The following GBP5 variants were observed in gnomAD, a reference collection of about 807,000 sequenced individuals.
The protein encoded by GBP5 is guanylate-binding protein 5.
In GBP5, 48 loss-of-function variants were observed where a neutral mutation model predicts 58.2. That is an observed-to-expected ratio of 0.83 (90% CI 0.65 to 1.05). GBP5 has a LOEUF of 1.05. Among genes scored for constraint, GBP5 ranks in the 50% least tolerant of loss-of-function variants. The pLI, the probability that GBP5 is intolerant of heterozygous loss-of-function variation, is 0.00. For missense variants in GBP5, 714 were observed against 686.8 expected (o/e 1.04, Z -0.44); for synonymous variants, 248 against 251.8 (o/e 0.98, Z 0.14).
At chr1:89,263,356 T>G (rs1405528081) in intron 9 of GBP5, 1 of 177,370 alleles carries the variant, frequency 5.6e-6, no homozygotes, top group Admixed American at 5.5e-5. Flanking sequence ...GAAACTAAAT[T>G]AAAATCTTTT....
chr1:89,260,625 G>T lies in GBP5; in HGVS notation c.*79C>A. On this transcript the variant is annotated 3_prime_UTR_variant, in exon 12 of 12. Coordinates refer to ENST00000370459, the MANE Select transcript of GBP5 (RefSeq NM_052942.5). Reference sequence around the variant, plus strand: ...TATAAAGTTTATTTAAATGTTGATTGTCCCAAGGTCTACAGTTTCTTTTCT... The same window carrying T: ...TATAAAGTTTATTTAAATGTTGATTTTCCCAAGGTCTACAGTTTCTTTTCT... 1 of 821,300 alleles carries T rather than the reference G, an allele frequency of 1.2e-6. No homozygotes were observed. 50.9% of individuals were successfully genotyped at this position (821,300 alleles called of 1,614,324 possible).
At position 89,264,901 on chromosome 1, in the gene GBP5, T is replaced by G; in HGVS notation, c.934A>C (p.Asn312His). The G allele has an allele frequency of 1.2e-6, 2 of 1,614,184 alleles. No individual in the cohort carries two copies. The highest frequency in any genetic ancestry group is 4.5e-5 in the East Asian group (2 of 44,888). The stretch of plus-strand genomic sequence containing the variant: ...CTCTGAGCCAAGGCCAGGACTGCAT[T>G]CTCTATGCAAGGCAGATCCCCACTG... ...ISSGDLPCIENAVLALAQREN... is the reference protein window; with the variant it reads ...ISSGDLPCIEHAVLALAQREN... The change falls in exon 8 of 12, where the codon AAT becomes CAT. Residue 312 changes from asparagine to histidine, a missense_variant. Asn to His is a moderately conservative substitution (Grantham distance 68). Transcript: ENST00000370459.
At chr1:89,262,819 G>A in intron 9 of GBP5, 34 bp from the exon 10 acceptor site, 1 of 1,210,626 alleles carries the variant, frequency 8.3e-7, no homozygotes, top group Middle Eastern at 2.0e-4. Flanking sequence ...TTAGATGCAG[G>A]AAATGGTGAT....
Position 89,258,618 on chromosome 1 carries a change from C to T in GBP5, c.*2086G>A, listed in dbSNP as rs1025990224. Among the ~76,000 whole-genome samples, 1 of 152,078 alleles carries T rather than the reference C, an allele frequency of 6.6e-6. No individual in the cohort carries two copies. The highest frequency in any genetic ancestry group is 2.4e-5 in the African/African-American group (1 of 41,428). ...CAAAGAACAGTAAAAAGAGCAGACA[C>T]TAAAATTTTTCGGCTTTTTTCTGTA... On this transcript the variant is annotated 3_prime_UTR_variant, in exon 12 of 12. Transcript: ENST00000370459.
rs1650514354 is a variant in GBP5, at chr1:89,272,792, GAGC to G, written c.-471_-469del. The G allele has an allele frequency of 6.5e-6, 1 of 152,864 alleles. No homozygotes were observed. The highest frequency in any genetic ancestry group is 6.5e-5 in the Admixed American group (1 of 15,302). 9.5% of individuals were successfully genotyped at this position (152,864 alleles called of 1,614,324 possible). On this transcript the variant is annotated 5_prime_UTR_variant, in exon 1 of 12. Coordinates refer to ENST00000370459, the MANE Select transcript of GBP5 (RefSeq NM_052942.5). The stretch of plus-strand genomic sequence containing the variant: ...TAAAGGCAGTGTGGACCCAAAGAGT[GAGC>G]AGCAGCAAGATTTATTGCAAAGAGT...
intron 5 of GBP5, 95 bp from the exon 6 acceptor site, chr1:89,267,248 G>C (rs890546231): frequency 9.0e-7 from 1 of 1,111,362 alleles, no homozygotes; most frequent in Non-Finnish European, 1.3e-6. Flanking sequence ...TCCCCTACGA[G>C]TCTTAACCAA....
At chr1:89,267,244 A>T in intron 5 of GBP5, 91 bp from the exon 6 acceptor site, 1 of 1,118,658 alleles carries the variant, frequency 8.9e-7, no homozygotes, top group Non-Finnish European at 1.3e-6. Flanking sequence ...ATTTTCCCCT[A>T]CGAGTCTTAA....
At position 89,269,452 on chromosome 1, in the gene GBP5, G is replaced by A. The variant is rs3806339; in HGVS notation, c.104C>T (p.Thr35Met). The change falls in exon 3 of 12, where the codon ACG becomes ATG. Residue 35 changes from threonine to methionine, a missense_variant. Physicochemically the swap from Thr to Met is moderately conservative, Grantham distance 81. Transcript: ENST00000370459. Reference sequence around the variant, plus strand: ...AATCGCTACCACAACTACAGGTTGCGTAATGGCAGACAGGATCTCCAAAGC... The same window carrying A: ...AATCGCTACCACAACTACAGGTTGCATAATGGCAGACAGGATCTCCAAAGC... ...QEALEILSAI[T>M]QPVVVVAIVG... 4.4e-3 allele frequency: 7,105 copies of A among 1,614,078 alleles called. 362 individuals are homozygous for A. In the East Asian group the frequency reaches 0.12, roughly 26 times the overall value.
At position 89,267,487 on chromosome 1, in the gene GBP5, G is replaced by A. The variant is rs1279686840; in HGVS notation, c.358C>T (p.Leu120Phe). ...TACACAAAGGTGCTGCTCAGTAAGAGTGCCAGTGCAAAGATCTGGATATCA... is the reference window on the plus strand; with the variant it reads ...TACACAAAGGTGCTGCTCAGTAAGAATGCCAGTGCAAAGATCTGGATATCA... ...KNDIQIFALALLLSSTFVYNT... is the reference protein window; with the variant it reads ...KNDIQIFALAFLLSSTFVYNT... The change falls in exon 5 of 12, where the codon CTC (leucine) becomes TTC (phenylalanine). Residue 120 changes from leucine (L) to phenylalanine (F), a missense_variant. By Grantham distance (22) the Leu-to-Phe change is conservative. Coordinates refer to ENST00000370459, the MANE Select transcript of GBP5 (RefSeq NM_052942.5). The A allele has an allele frequency of 2.5e-6, 4 of 1,613,852 alleles. No individual in the cohort carries two copies. Among genetic ancestry groups the A allele is most frequent in the Non-Finnish European group, 2.5e-6 (3 of 1,179,892 alleles).
In GBP5 at chr1:89,259,841, GCA is replaced by G. The variant is rs1051341738; in HGVS notation, c.*861_*862del. ...ATGGCCTTGCCCCCCCGACACCCCCGCACACACACACAAAACCCCTGCAGACC... is the reference window on the plus strand; with the variant it reads ...ATGGCCTTGCCCCCCCGACACCCCCGCACACACACAAAACCCCTGCAGACC... On this transcript the variant is annotated 3_prime_UTR_variant, in exon 12 of 12. Coordinates refer to ENST00000370459, the MANE Select transcript of GBP5 (RefSeq NM_052942.5). 2.0e-5 allele frequency: 3 copies of G among 151,642 alleles called. No homozygotes were observed. Among genetic ancestry groups the G allele is most frequent in the African/African-American group, 4.9e-5 (2 of 41,180 alleles). 9.4% of individuals were successfully genotyped at this position (151,642 alleles called of 1,614,324 possible). A position where few individuals can be genotyped will look rare whatever the true frequency, so the allele number is the denominator to read the frequency against.
At chr1:89,269,253 A>G in intron 3 of GBP5, 113 bp downstream of exon 3, 1 of 1,057,832 alleles carries the variant, frequency 9.5e-7, no homozygotes, top group Non-Finnish European at 1.4e-6. Context: ...TAGCCTAAAC[A>G]TTGGCTTTTA....
Position 89,267,073 on chromosome 1 carries a change from G to C in GBP5, c.509C>G (p.Ala170Gly), listed in dbSNP as rs764655996. ...CCACACTAAGTCTGGGAAGAAGCTC[G>C]CAGAGTCAGCAGGATCTTCAACCCT... ...LDRVEDPADS[A>G]SFFPDLVWTL... Residue 170 changes from alanine to glycine, a missense_variant, in exon 6 of 12, where the codon GCG becomes GGG. Ala to Gly is a moderately conservative substitution (Grantham distance 60). Transcript: ENST00000370459. 1 of 1,612,620 alleles carries C rather than the reference G, an allele frequency of 6.2e-7. No homozygotes were observed. Among genetic ancestry groups the C allele is most frequent in the Non-Finnish European group, 8.5e-7 (1 of 1,179,278 alleles).
At chr1:89,265,664 C>T (rs1650180964) in intron 7 of GBP5, among the ~76,000 whole-genome samples, 1 of 139,778 alleles carries the variant, frequency 7.2e-6, no homozygotes. Context: ...GGAGGCGGAG[C>T]TTGCAGTGAG....
chr1:89,268,990 A>G (rs1487305519), intron 3 of GBP5, 134 bp from the exon 4 acceptor site: 37 of 862,322 alleles, frequency 4.3e-5, no homozygotes, highest in Non-Finnish European at 6.3e-5. Context: ...GATTTGAATG[A>G]TGATGCAGAA....
rs529905548 is a variant in GBP5 at position 89,263,632 on chromosome 1, T to C, written c.1362+104A>G. The C allele has an allele frequency of 4.8e-4, 355 of 738,568 alleles. No individual in the cohort carries two copies. In the African/African-American group the frequency reaches 5.3e-3, roughly 11 times the overall value. The allele number at this position is 738,568 out of a possible 1,614,324, so 45.8% of individuals were successfully genotyped here. A position where few individuals can be genotyped will look rare whatever the true frequency, so the allele number is the denominator to read the frequency against. On this transcript the variant is annotated intron_variant, in intron 9 of 11. Transcript: ENST00000370459. ...AAAGGATTACTACTAGACAGAGACA[T>C]AAACCTCATCTGTGTGCCTGTATAC...
chr1:89,260,710 T>A lies in GBP5; in HGVS notation c.1755A>T (p.Leu585Phe). 1.2e-6 allele frequency: 2 copies of A among 1,608,978 alleles called. No individual in the cohort carries two copies. The highest frequency in any genetic ancestry group is 1.7e-6 in the Non-Finnish European group (2 of 1,175,406). ...RTVNNDDPCV[L>F]L ...AACTCCCATATTTAGCACTTTAGAG[T>A]AAAACACATGGATCATCGTTATTAA... The change falls in exon 12 of 12, where the codon TTA (leucine) becomes TTT (phenylalanine). Residue 585 changes from leucine to phenylalanine, a missense_variant. Transcript: ENST00000370459.
intron 4 of GBP5, among the ~76,000 whole-genome samples, chr1:89,267,982 C>T (rs1465170108): frequency 6.6e-6 from 1 of 151,998 alleles, no homozygotes; most frequent in Non-Finnish European, 1.5e-5. Context: ...ATCTTTAAGT[C>T]CTGGCAAATC....
chr1:89,262,899 A>AT (rs1650065010), intron 9 of GBP5, 114 bp from the exon 10 acceptor site: 1 of 649,094 alleles, frequency 1.5e-6, no homozygotes, highest in African/African-American at 1.9e-5. Flanking sequence ...GAGGCTTGCC[A>AT]TAGGAGAGGC....
In GBP5 at chr1:89,258,423, A is replaced by AT. The variant is rs910331174; in HGVS notation, c.*2280dup. On this transcript the variant is annotated 3_prime_UTR_variant, in exon 12 of 12. Transcript: ENST00000370459. Reference sequence around the variant, plus strand: ...AACATTTCCTTGGATGATAAAATGTATTTTTTTCTTTATAAATTGCACAGC... The same window carrying AT: ...AACATTTCCTTGGATGATAAAATGTATTTTTTTTCTTTATAAATTGCACAGC... Among the ~76,000 whole-genome samples the AT allele has an allele frequency of 3.3e-5, 5 of 152,256 alleles. No individual in the cohort carries two copies. The highest frequency in any genetic ancestry group is 1.3e-4 in the Admixed American group (2 of 15,290).
Sources: gnomAD v4.1 joint callset for allele counts (sites outside exome capture counted in the v4.1 genomes callset) on GRCh38, gnomAD v4.1.1 for gene constraint, MANE v1.5 for transcripts, NCBI Gene and HGNC (gene_info 2026-07-23, HGNC 2026-07-21) for gene names.